TRIM44: variants seen among roughly 807,000 people sequenced by gnomAD.
The protein encoded by TRIM44 is tripartite motif containing 44, also known as tripartite motif-containing protein 44.
TRIM44 carries 13 observed loss-of-function variants against 37.4 expected under a neutral mutation model. The ratio of observed to expected loss-of-function variants is 0.35; its 90% CI spans 0.23 to 0.55. The LOEUF (loss-of-function observed/expected upper bound fraction) is 0.55. Ranked by LOEUF, TRIM44 falls within the 20% of genes least tolerant of loss-of-function variation. The pLI, the probability that TRIM44 is intolerant of heterozygous loss-of-function variation, is 0.89. For missense variants in TRIM44, 426 were observed against 437.2 expected (o/e 0.97, Z 0.23); for synonymous variants, 175 against 157.2 (o/e 1.11, Z -0.85).
chr11:35,759,067 T>G (rs1852687886), intron 4 of TRIM44, among the ~76,000 whole-genome samples: 1 of 152,218 alleles, frequency 6.6e-6, no homozygotes, highest in Non-Finnish European at 1.5e-5. Context: ...ATTGGGGAAG[T>G]TCTCCTGGAT....
chr11:35,663,809 C>T, intron 1 of TRIM44, 29 bp downstream of exon 1: 1 of 1,591,370 alleles, frequency 6.3e-7, no homozygotes, highest in Middle Eastern at 1.7e-4. Flanking sequence ...GAGCATAAAC[C>T]TAGGGGTCAG....
rs1038226112 is a variant in TRIM44 at position 35,807,376 on chromosome 11, T to C, written c.*991T>C. 6.6e-6 allele frequency: 1 copy of C among 152,156 alleles called. No individual in the cohort carries two copies. The highest frequency in any genetic ancestry group is 2.4e-5 in the African/African-American group (1 of 41,426). 9.4% of individuals were successfully genotyped at this position (152,156 alleles called of 1,614,324 possible). ...CAGCTCATCTCCCAGCATATAGATA[T>C]ATCCTCCTTTAACTCCGACCAGAAC... is the stretch of plus-strand genomic sequence containing the variant. On this transcript the variant is annotated 3_prime_UTR_variant, in exon 5 of 5. Transcript: ENST00000299413.
chr11:35,768,470 C>T (rs139414936), intron 4 of TRIM44, among the ~76,000 whole-genome samples: 3 of 152,276 alleles, frequency 2.0e-5, no homozygotes, highest in Non-Finnish European at 2.9e-5. Context: ...ATATGCCTCA[C>T]GGCTACCAGA....
At chr11:35,713,142 C>G (rs755700402) in intron 2 of TRIM44, among the ~76,000 whole-genome samples, 7 of 152,212 alleles carry the variant, frequency 4.6e-5, no homozygotes, top group Non-Finnish European at 8.8e-5. Context: ...CAGAATTTAT[C>G]AGGTCTTTAC....
intron 4 of TRIM44, among the ~76,000 whole-genome samples, chr11:35,750,279 A>G (rs1441706100): frequency 6.6e-6 from 1 of 152,168 alleles, no homozygotes; most frequent in African/African-American, 2.4e-5. Context: ...TCTCCTCCAC[A>G]TTTGAGGGGC....
chr11:35,672,931 G>A (rs183803273), intron 1 of TRIM44, among the ~76,000 whole-genome samples: 8 of 152,312 alleles, frequency 5.3e-5, no homozygotes, highest in African/African-American at 1.9e-4. Flanking sequence ...CTAAGACCAA[G>A]GTAAAGGGGA....
At chr11:35,665,171 TACAA>T (rs1851317333) in intron 1 of TRIM44, among the ~76,000 whole-genome samples, 1 of 152,142 alleles carries the variant, frequency 6.6e-6, no homozygotes, top group African/African-American at 2.4e-5. Context: ...GTCGGGCTGT[TACAA>T]ACAATGTCAG....
At chr11:35,797,935 A>AT (rs1853314082) in intron 4 of TRIM44, among the ~76,000 whole-genome samples, 1 of 152,210 alleles carries the variant, frequency 6.6e-6, no homozygotes, top group Non-Finnish European at 1.5e-5. Flanking sequence ...GTCTCAGTCA[A>AT]TTTAAAAAGT....
intron 2 of TRIM44, among the ~76,000 whole-genome samples, chr11:35,710,614 A>T (rs1004901516): frequency 6.6e-6 from 1 of 152,242 alleles, no homozygotes; most frequent in African/African-American, 2.4e-5. Context: ...GGTAAAGTTT[A>T]TTATGCAGAT....
chr11:35,770,600 A>T (rs959645872), intron 4 of TRIM44, among the ~76,000 whole-genome samples: 1 of 152,096 alleles, frequency 6.6e-6, no homozygotes, highest in Non-Finnish European at 1.5e-5. Flanking sequence ...CTGGTGTGAG[A>T]TGGTATCTCA....
rs757343673 is a variant in TRIM44 at position 35,817,004 on chromosome 11, G to T, written c.*10619G>T. 2.0e-5 allele frequency: 3 copies of T among 152,080 alleles called. No homozygotes were observed. Among genetic ancestry groups the T allele is most frequent in the Non-Finnish European group, 4.4e-5 (3 of 68,040 alleles). 9.4% of individuals were successfully genotyped at this position (152,080 alleles called of 1,614,324 possible). On this transcript the variant is annotated 3_prime_UTR_variant, in exon 5 of 5. Coordinates refer to ENST00000299413, the MANE Select transcript of TRIM44 (RefSeq NM_017583.6). ...TCAACGGTAAGTACCTCAAATTACC[G>T]TATGTATTTACTTGTTCATAAGGTT...
At position 35,815,671 on chromosome 11, in the gene TRIM44, C is replaced by G. The variant is rs777860556; in HGVS notation, c.*9286C>G. Reference sequence around the variant, plus strand: ...ATACTTGACTGTTATGTACTCAAAACAAGCTTTCCTGTTAATCTCTTTCTC... The same window carrying G: ...ATACTTGACTGTTATGTACTCAAAAGAAGCTTTCCTGTTAATCTCTTTCTC... On this transcript the variant is annotated 3_prime_UTR_variant, in exon 5 of 5. Coordinates refer to ENST00000299413, the MANE Select transcript of TRIM44 (RefSeq NM_017583.6). 30 of 152,190 alleles carry G rather than the reference C, an allele frequency of 2.0e-4. No homozygotes were observed. The highest frequency in any genetic ancestry group is 5.9e-4 in the Admixed American group (9 of 15,282). The allele number at this position is 152,190 out of a possible 1,614,324, so 9.4% of individuals were successfully genotyped here.
At chr11:35,675,675 C>A (rs1018047101) in intron 1 of TRIM44, among the ~76,000 whole-genome samples, 3 of 152,114 alleles carry the variant, frequency 2.0e-5, no homozygotes, top group African/African-American at 7.2e-5. Flanking sequence ...GCGCCTGCCA[C>A]CCTGCCAAGC....
chr11:35,770,366 A>G (rs530995827), intron 4 of TRIM44, among the ~76,000 whole-genome samples: 1 of 152,332 alleles, frequency 6.6e-6, no homozygotes, highest in South Asian at 2.1e-4. Flanking sequence ...GTGATGAACT[A>G]AGAGCGCATG....
intron 1 of TRIM44, among the ~76,000 whole-genome samples, chr11:35,674,993 T>C (rs1206103257): frequency 6.6e-6 from 1 of 152,232 alleles, no homozygotes; most frequent in Non-Finnish European, 1.5e-5. Context: ...TGAGGTATCC[T>C]TTTGTTCCCA....
At chr11:35,779,034 G>C (rs1853018000) in intron 4 of TRIM44, among the ~76,000 whole-genome samples, 1 of 152,194 alleles carries the variant, frequency 6.6e-6, no homozygotes, top group Non-Finnish European at 1.5e-5. Context: ...GCTATGCCCT[G>C]CCCCCAGAGG....
chr11:35,734,433 G>T (rs980391697), intron 3 of TRIM44, among the ~76,000 whole-genome samples: 2 of 152,184 alleles, frequency 1.3e-5, no homozygotes, highest in Non-Finnish European at 2.9e-5. Flanking sequence ...GAGTGATAGG[G>T]TTAAGACTTG....
At chr11:35,774,079 G>C (rs58575956) in intron 4 of TRIM44, among the ~76,000 whole-genome samples, 1,663 of 152,324 alleles carry the variant, frequency 0.011, 33 homozygotes, top group African/African-American at 0.038. Context: ...CTAGTTTACA[G>C]TCCCACCAAC....
At chr11:35,700,093 A>C (rs60344469) in intron 2 of TRIM44, among the ~76,000 whole-genome samples, 45 of 152,212 alleles carry the variant, frequency 3.0e-4, no homozygotes, top group Non-Finnish European at 5.1e-4. Context: ...GAACTGGAAA[A>C]AACTACTTTA....
Sources: allele counts gnomAD v4.1 joint callset (sites outside exome capture counted in the v4.1 genomes callset), GRCh38; gene constraint gnomAD v4.1.1; transcripts MANE v1.5; gene names NCBI Gene and HGNC (gene_info 2026-07-23, HGNC 2026-07-21).